Variants in GNB1 observed in about 807,000 individuals in gnomAD.
The protein encoded by GNB1 is guanine nucleotide-binding protein G(I)/G(S)/G(T) subunit beta-1.
In GNB1, 2 loss-of-function variants were observed where a neutral mutation model predicts 42.9. That is an observed-to-expected ratio of 0.05 (90% CI 0.02 to 0.15). The LOEUF (loss-of-function observed/expected upper bound fraction) is 0.15, where lower values mean the gene tolerates loss of function less well. GNB1 is among the 10% of genes least tolerant of loss of function. GNB1 has a pLI of 1.00. For synonymous variants in GNB1, 183 were observed against 174.7 expected (o/e 1.05, Z -0.38); for missense variants, 193 against 462.2 (o/e 0.42, Z 5.34).
At chr1:1,887,919 T>C (rs1650244776) in intron 1 of GNB1, among the ~76,000 whole-genome samples, 1 of 152,146 alleles carries the variant, frequency 6.6e-6, no homozygotes, top group African/African-American at 2.4e-5. Flanking sequence ...CCAGTGGGTT[T>C]TACTCTTAAA....
intron 2 of GNB1, among the ~76,000 whole-genome samples, chr1:1,828,469 C>T (rs1647029298): frequency 6.6e-6 from 1 of 152,082 alleles, no homozygotes; most frequent in Non-Finnish European, 1.5e-5. Context: ...AGAACATGTA[C>T]ACAACAATCA....
chr1:1,870,584 C>T (rs539949731), intron 1 of GNB1, among the ~76,000 whole-genome samples: 13 of 152,332 alleles, frequency 8.5e-5, no homozygotes, highest in African/African-American at 3.1e-4. Context: ...GCAGACACTT[C>T]CTTATGCGCT....
In GNB1 at chr1:1,815,875, A is replaced by G. The variant is rs1227646556; in HGVS notation, c.97-13T>C. 1 of 1,470,726 alleles carries G rather than the reference A, an allele frequency of 6.8e-7. No homozygotes were observed. Among genetic ancestry groups the G allele is most frequent in the Non-Finnish European group, 9.5e-7 (1 of 1,049,332 alleles). 91.1% of individuals were successfully genotyped at this position (1,470,726 alleles called of 1,614,324 possible). A position where few individuals can be genotyped will look rare whatever the true frequency, so the allele number is the denominator to read the frequency against. ...TGTTGTTTGTGATCTTGAAAATAAAAACATTTCTGTAAATCAACATCTGTG... is the reference window on the plus strand; with the variant it reads ...TGTTGTTTGTGATCTTGAAAATAAAGACATTTCTGTAAATCAACATCTGTG... On this transcript the variant is annotated splice_polypyrimidine_tract_variant and intron_variant, in intron 4 of 11. Transcript: ENST00000378609.
chr1:1,836,917 G>A (rs377358847), intron 2 of GNB1, among the ~76,000 whole-genome samples: 3 of 140,932 alleles, frequency 2.1e-5, no homozygotes, highest in South Asian at 2.2e-4. Context: ...GGATGGTATC[G>A]AACAACTGGC....
intron 1 of GNB1, among the ~76,000 whole-genome samples, chr1:1,844,096 G>A (rs1050706085): frequency 6.6e-6 from 1 of 152,046 alleles, no homozygotes; most frequent in Admixed American, 6.6e-5. Flanking sequence ...TTGGGAGGGT[G>A]AGGCAGGAGA....
chr1:1,889,659 T>TAAA (rs35173217), intron 1 of GNB1, among the ~76,000 whole-genome samples: 3 of 115,290 alleles, frequency 2.6e-5, no homozygotes, highest in African/African-American at 6.5e-5. Context: ...TCCCATCTCT[T>TAAA]AAAAAAAAAA....
chr1:1,854,092 G>C (rs1451107844), intron 1 of GNB1, among the ~76,000 whole-genome samples: 2 of 152,214 alleles, frequency 1.3e-5, no homozygotes, highest in African/African-American at 4.8e-5. Flanking sequence ...TCTAGAACTT[G>C]CTTGTTGGTC....
chr1:1,791,547 A>G (rs1646481724), intron 8 of GNB1, among the ~76,000 whole-genome samples: 1 of 152,236 alleles, frequency 6.6e-6, no homozygotes, highest in African/African-American at 2.4e-5. Flanking sequence ...CCCTGCACAG[A>G]GCAGAAGCCT....
chr1:1,830,735 C>T (rs76622795), intron 2 of GNB1, among the ~76,000 whole-genome samples: 1,712 of 152,046 alleles, frequency 0.011, 38 homozygotes, highest in African/African-American at 0.04. Context: ...TTGGTAGAGA[C>T]GAGGCCTTGC....
At chr1:1,873,913 T>A (rs553402571) in intron 1 of GNB1, among the ~76,000 whole-genome samples, 44 of 152,202 alleles carry the variant, frequency 2.9e-4, no homozygotes, top group Non-Finnish European at 5.9e-4. Context: ...CACCAATGTA[T>A]CCAGGCAGGC....
intron 1 of GNB1, among the ~76,000 whole-genome samples, chr1:1,840,908 T>C (rs1363557100): frequency 6.6e-6 from 1 of 152,232 alleles, no homozygotes; most frequent in African/African-American, 2.4e-5. Flanking sequence ...TTTTTTATTT[T>C]TGAGACAGCA....
At chr1:1,853,097 T>C (rs1053807202) in intron 1 of GNB1, among the ~76,000 whole-genome samples, 7 of 152,002 alleles carry the variant, frequency 4.6e-5, no homozygotes, top group Admixed American at 1.3e-4. Flanking sequence ...TTCCATCCCT[T>C]TCCCCTCCTG....
In GNB1 at chr1:1,891,042, G is replaced by C. The variant is rs1650489396; in HGVS notation, c.-318C>G. 1 of 154,228 alleles carries C rather than the reference G, an allele frequency of 6.5e-6. No homozygotes were observed. Among genetic ancestry groups the C allele is most frequent in the South Asian group, 1.7e-4 (1 of 5,730 alleles). The allele number at this position is 154,228 out of a possible 1,614,324, so 9.6% of individuals were successfully genotyped here. On this transcript the variant is annotated 5_prime_UTR_variant, in exon 1 of 12. Coordinates refer to ENST00000378609, the MANE Select transcript of GNB1 (RefSeq NM_002074.5). ...GCCGCCGCCGCCGCCGCCTCCGTCCGCCCCTCAGACGCCTCCAGCCATCGG... is the reference window on the plus strand; with the variant it reads ...GCCGCCGCCGCCGCCGCCTCCGTCCCCCCCTCAGACGCCTCCAGCCATCGG...
chr1:1,845,868 C>T (rs1274824552), intron 1 of GNB1, among the ~76,000 whole-genome samples: 1 of 135,446 alleles, frequency 7.4e-6, no homozygotes, highest in Non-Finnish European at 1.6e-5. Flanking sequence ...CACACACACA[C>T]ACACGTATAT....
At chr1:1,842,033 C>T (rs1160860144) in intron 1 of GNB1, among the ~76,000 whole-genome samples, 4 of 152,208 alleles carry the variant, frequency 2.6e-5, no homozygotes, top group Admixed American at 6.5e-5. Context: ...GGAGGCCGAG[C>T]GTGGTGGCTC....
intron 5 of GNB1, among the ~76,000 whole-genome samples, chr1:1,809,427 A>G (rs937728928): frequency 6.6e-6 from 1 of 152,226 alleles, no homozygotes; most frequent in Non-Finnish European, 1.5e-5. Flanking sequence ...CTGGGATTAC[A>G]GGCGTAAGCC....
chr1:1,823,850 A>G (rs1646963906), intron 3 of GNB1, among the ~76,000 whole-genome samples: 1 of 152,164 alleles, frequency 6.6e-6, no homozygotes, highest in Non-Finnish European at 1.5e-5. Flanking sequence ...TCAGAAAAAT[A>G]AACTGTTGTT....
chr1:1,840,625 A>G (rs1647217929), intron 1 of GNB1, among the ~76,000 whole-genome samples: 1 of 152,252 alleles, frequency 6.6e-6, no homozygotes, highest in African/African-American at 2.4e-5. Flanking sequence ...TTGGCATGAC[A>G]GTGGAGAGCA....
intron 1 of GNB1, among the ~76,000 whole-genome samples, chr1:1,864,715 T>C (rs1299831729): frequency 6.6e-6 from 1 of 152,230 alleles, no homozygotes; most frequent in African/African-American, 2.4e-5. Flanking sequence ...GTTTGTACTC[T>C]GAGTAAAATT....
Sources: allele counts gnomAD v4.1 joint callset (sites outside exome capture counted in the v4.1 genomes callset), GRCh38; gene constraint gnomAD v4.1.1; transcripts MANE v1.5; gene names NCBI Gene and HGNC (gene_info 2026-07-23, HGNC 2026-07-21).